Variants in ADAMTS17 observed in about 807,000 individuals in gnomAD.
The protein encoded by ADAMTS17 is ADAM metallopeptidase with thrombospondin type 1 motif 17, also known as A disintegrin and metalloproteinase with thrombospondin motifs 17.
ADAMTS17 carries 113 observed loss-of-function variants against 141.5 expected under a neutral mutation model. That is an observed-to-expected ratio of 0.80 (90% CI 0.69 to 0.93). The LOEUF (loss-of-function observed/expected upper bound fraction) is 0.93. ADAMTS17 is among the 40% of genes least tolerant of loss of function. ADAMTS17 has a pLI of 0.00. For missense variants in ADAMTS17, 1,659 were observed against 1,517.9 expected, an observed-to-expected ratio of 1.09 and a Z score of -1.54; for synonymous variants, 768 against 630.6, an observed-to-expected ratio of 1.22 and a Z score of -3.27.
At chr15:100,331,218 TTG>T (rs1388489170) in intron 2 of ADAMTS17, among the ~76,000 whole-genome samples, 164 bp from the exon 3 acceptor site, 1 of 152,156 alleles carries the variant, frequency 6.6e-6, no homozygotes, top group African/African-American at 2.4e-5. Context: ...AAGAGTGAGC[TTG>T]TGTGTGACTT....
At chr15:100,203,291 G>T (rs1351408307) in intron 7 of ADAMTS17, among the ~76,000 whole-genome samples, 1 of 152,308 alleles carries the variant, frequency 6.6e-6, no homozygotes, top group East Asian at 1.9e-4. Flanking sequence ...AAGGGGTGTG[G>T]GCCAGGTGCG....
chr15:100,329,168 G>A (rs760541273), intron 3 of ADAMTS17, among the ~76,000 whole-genome samples: 8 of 152,108 alleles, frequency 5.3e-5, no homozygotes, highest in Non-Finnish European at 5.9e-5. Flanking sequence ...AACCACTGCC[G>A]TAGAGAAATC....
intron 8 of ADAMTS17, among the ~76,000 whole-genome samples, chr15:100,194,790 C>T (rs1456653314): frequency 6.6e-6 from 1 of 152,206 alleles, no homozygotes; most frequent in Admixed American, 6.5e-5. Flanking sequence ...TGGGGCGTGT[C>T]ATCCCAGCTG....
intron 14 of ADAMTS17, among the ~76,000 whole-genome samples, chr15:100,100,814 G>A (rs12441296): frequency 0.67 from 100,955 of 151,672 alleles, 34,488 homozygotes; most frequent in African/African-American, 0.83. Context: ...AGAAACGTCC[G>A]CACATATGAA....
rs141439679 is a variant in ADAMTS17 at position 100,065,881 on chromosome 15, C to T, written c.2138-11827G>A. Among the ~76,000 whole-genome samples the T allele has an allele frequency of 5.0e-3, 756 of 152,252 alleles. 5 individuals are homozygous for T. The highest frequency in any genetic ancestry group is 0.018 in the African/African-American group (728 of 41,546). ...TGCTCTCCCTCCCCTTTTCCCCCAC[C>T]CCTCAACAGGCTGGGGGGTGTATGT... On this transcript the variant is annotated intron_variant, in intron 15 of 21. Transcript: ENST00000268070.
chr15:100,100,485 T>G (rs1490779071), intron 14 of ADAMTS17, among the ~76,000 whole-genome samples: 1 of 152,172 alleles, frequency 6.6e-6, no homozygotes, highest in African/African-American at 2.4e-5. Context: ...CCTCCAAAGC[T>G]GCCTGACCTC....
At chr15:100,298,103 T>A (rs2044888131) in intron 3 of ADAMTS17, among the ~76,000 whole-genome samples, 1 of 151,834 alleles carries the variant, frequency 6.6e-6, no homozygotes, top group Non-Finnish European at 1.5e-5. Context: ...TAGAGAGGGT[T>A]GAATGCATGT....
At chr15:100,091,773 A>AATCAGAGT (rs1157221540) in intron 15 of ADAMTS17, among the ~76,000 whole-genome samples, 1 of 152,214 alleles carries the variant, frequency 6.6e-6, no homozygotes, top group African/African-American at 2.4e-5. Context: ...TTTCCCCTGA[A>AATCAGAGT]ATCAGAGTTC....
At chr15:100,120,313 C>T (rs2037388230) in intron 12 of ADAMTS17, among the ~76,000 whole-genome samples, 1 of 152,178 alleles carries the variant, frequency 6.6e-6, no homozygotes, top group South Asian at 2.1e-4. Flanking sequence ...AGTGTGGTAA[C>T]AGTTACTGCC....
At chr15:100,110,896 T>C (rs2036735329) in intron 13 of ADAMTS17, among the ~76,000 whole-genome samples, 1 of 152,178 alleles carries the variant, frequency 6.6e-6, no homozygotes, top group South Asian at 2.1e-4. Context: ...GTCTCGTGAC[T>C]GGAGGACTAA....
At position 100,266,022 on chromosome 15, in the gene ADAMTS17, G is replaced by A. The variant is rs997153864; in HGVS notation, c.790-3587C>T. ...TAGTCTTGCTGGTCACCAGAGAGAGGCTTGTCTCTTCCACATGGTAACTGA... is the reference window on the plus strand; with the variant it reads ...TAGTCTTGCTGGTCACCAGAGAGAGACTTGTCTCTTCCACATGGTAACTGA... On this transcript the variant is annotated intron_variant, in intron 4 of 21. Coordinates refer to ENST00000268070, the MANE Select transcript of ADAMTS17 (RefSeq NM_139057.4). 2.9e-4 allele frequency among the ~76,000 whole-genome samples: 44 copies of A among 152,176 alleles called. 1 individual carries two copies. The highest frequency in any genetic ancestry group is 9.9e-4 in the African/African-American group (41 of 41,424).
intron 4 of ADAMTS17, among the ~76,000 whole-genome samples, chr15:100,269,435 T>C (rs561526674): frequency 7.2e-5 from 11 of 152,354 alleles, no homozygotes; most frequent in South Asian, 2.1e-4. Flanking sequence ...GGGATTTTGA[T>C]TGATTGACTG....
chr15:99,976,779 C>T (rs928098884), intron 20 of ADAMTS17, among the ~76,000 whole-genome samples: 1 of 152,178 alleles, frequency 6.6e-6, no homozygotes, highest in African/African-American at 2.4e-5. Context: ...TCTGATCCTC[C>T]ACCTCCAGAA....
rs111591097 is a variant in ADAMTS17, at chr15:100,192,910, C to G, written c.1181+6408G>C. On this transcript the variant is annotated intron_variant, in intron 8 of 21. Coordinates refer to ENST00000268070, the MANE Select transcript of ADAMTS17 (RefSeq NM_139057.4). ...CCCCCAGACATGTGTCCACCCACTG[C>G]CCATGGGCCACACTTTGCAGGGATC... Among the ~76,000 whole-genome samples the G allele has an allele frequency of 4.0e-3, 603 of 152,288 alleles. 5 individuals are homozygous for G. The highest frequency in any genetic ancestry group is 0.014 in the African/African-American group (591 of 41,566).
chr15:100,052,656 T>C (rs181298870), intron 16 of ADAMTS17, among the ~76,000 whole-genome samples: 3 of 152,246 alleles, frequency 2.0e-5, no homozygotes, highest in African/African-American at 7.2e-5. Context: ...CCTCCTCTCT[T>C]AGTCCCTCTG....
chr15:100,329,534 A>AG (rs933950428), intron 3 of ADAMTS17, among the ~76,000 whole-genome samples: 31 of 152,132 alleles, frequency 2.0e-4, no homozygotes, highest in African/African-American at 6.3e-4. Flanking sequence ...TCCAAAAAAA[A>AG]AAAAAAAGCC....
chr15:100,026,707 G>A (rs1209208792), intron 18 of ADAMTS17, among the ~76,000 whole-genome samples: 3 of 152,192 alleles, frequency 2.0e-5, no homozygotes, highest in African/African-American at 7.2e-5. Flanking sequence ...CATGGCTTCT[G>A]TTTTTAAGTC....
intron 7 of ADAMTS17, among the ~76,000 whole-genome samples, chr15:100,201,682 G>T (rs1368708637): frequency 6.6e-6 from 1 of 152,052 alleles, no homozygotes; most frequent in Non-Finnish European, 1.5e-5. Flanking sequence ...AATAAATAAA[G>T]AACAAATTAA....
intron 12 of ADAMTS17, chr15:100,126,293 T>C (rs940271139): frequency 3.3e-5 from 5 of 152,208 alleles, no homozygotes; most frequent in South Asian, 2.1e-4. Flanking sequence ...AGAAACTCCA[T>C]AGAAAACTAC....
Sources: gnomAD v4.1 joint callset for allele counts (sites outside exome capture counted in the v4.1 genomes callset) on GRCh38, gnomAD v4.1.1 for gene constraint, MANE v1.5 for transcripts, NCBI Gene and HGNC (gene_info 2026-07-23, HGNC 2026-07-21) for gene names.